COLEC11: variants seen among roughly 807,000 people sequenced by gnomAD.
COLEC11 encodes collectin-11.
COLEC11 carries 20 observed loss-of-function variants against 27.3 expected under a neutral mutation model. The observed-to-expected ratio is 0.73, with a 90% CI of 0.51 to 1.06. The LOEUF is 1.06. Among genes scored for constraint, COLEC11 ranks in the 50% least tolerant of loss-of-function variants. COLEC11 has a pLI of 0.00. For synonymous variants in COLEC11, 163 were observed against 154.7 expected (o/e 1.05, Z -0.40); for missense variants, 310 against 383.0 (o/e 0.81, Z 1.59).
rs767248687 is a variant in COLEC11 at position 3,604,420 on chromosome 2, C to T, written c.80C>T (p.Pro27Leu). Reference sequence around the variant, plus strand: ...CTGCTGCCATCTGGACATCCTCAGCCGGCTGGCGATGACGCCTGCTCTGTG... The same window carrying T: ...CTGCTGCCATCTGGACATCCTCAGCTGGCTGGCGATGACGCCTGCTCTGTG... ...LSLLPSGHPQ[P>L]AGDDACSVQI... Residue 27 changes from proline to leucine, a missense_variant, in exon 2 of 7, where the codon CCG (proline) becomes CTG (leucine). Transcript: ENST00000349077. The T allele has an allele frequency of 1.1e-5, 18 of 1,614,098 alleles. No homozygotes were observed. Among genetic ancestry groups the T allele is most frequent in the South Asian group, 2.2e-5 (2 of 91,092 alleles).
chr2:3,638,418 C>T (rs905415143), intron 4 of COLEC11, among the ~76,000 whole-genome samples: 3 of 152,202 alleles, frequency 2.0e-5, no homozygotes, highest in Non-Finnish European at 4.4e-5. Context: ...CACAGTGTAG[C>T]AATGCGGCTA....
Position 3,633,616 on chromosome 2 carries a change from G to A in COLEC11, c.203-3917G>A, listed in dbSNP as rs553595976. On this transcript the variant is annotated intron_variant, in intron 3 of 6. Coordinates refer to ENST00000349077, the MANE Select transcript of COLEC11 (RefSeq NM_024027.5). Reference sequence around the variant, plus strand: ...GGACCTCCTCGCGAGGGGACAGAGCGGGGACCACAGCTGACCGACGGGGGA... The same window carrying A: ...GGACCTCCTCGCGAGGGGACAGAGCAGGGACCACAGCTGACCGACGGGGGA... Among the ~76,000 whole-genome samples, 3 of 152,280 alleles carry A rather than the reference G, an allele frequency of 2.0e-5. 1 individual carries two copies. Among genetic ancestry groups the A allele is most frequent in the Admixed American group, 2.0e-4 (3 of 15,300 alleles).
chr2:3,621,453 A>G (rs1278000378), intron 3 of COLEC11, among the ~76,000 whole-genome samples: 1 of 152,208 alleles, frequency 6.6e-6, no homozygotes, highest in Admixed American at 6.5e-5. Flanking sequence ...GGCAGTGTAT[A>G]TAGTTGGGTC....
intron 4 of COLEC11, among the ~76,000 whole-genome samples, 188 bp from the exon 5 acceptor site, chr2:3,640,090 A>G (rs1038151380): frequency 6.6e-6 from 1 of 152,198 alleles, no homozygotes; most frequent in Non-Finnish European, 1.5e-5. Context: ...TGACATGTAT[A>G]TGGTTCGTAT....
At chr2:3,629,330 C>T (rs1332910862) in intron 3 of COLEC11, among the ~76,000 whole-genome samples, 3 of 152,192 alleles carry the variant, frequency 2.0e-5, no homozygotes, top group African/African-American at 7.2e-5. Flanking sequence ...GAAACAACAG[C>T]TCACACCAAT....
At chr2:3,633,838 T>C (rs1447129249) in intron 3 of COLEC11, among the ~76,000 whole-genome samples, 1 of 151,990 alleles carries the variant, frequency 6.6e-6, no homozygotes, top group Non-Finnish European at 1.5e-5. Context: ...TCAGGACCGG[T>C]GCGGTGGAGA....
chr2:3,631,098 G>T (rs554361212), intron 3 of COLEC11, among the ~76,000 whole-genome samples: 9 of 152,204 alleles, frequency 5.9e-5, no homozygotes, highest in Admixed American at 3.9e-4. Flanking sequence ...AGACATGGTG[G>T]TGCACGCCTG....
chr2:3,635,347 C>T (rs1423277220), intron 3 of COLEC11, among the ~76,000 whole-genome samples: 3 of 152,142 alleles, frequency 2.0e-5, no homozygotes, highest in Non-Finnish European at 4.4e-5. Context: ...TGACCCCCTT[C>T]ACCCCCAGCC....
At chr2:3,611,388 C>T (rs1368603768) in intron 2 of COLEC11, among the ~76,000 whole-genome samples, 3 of 152,216 alleles carry the variant, frequency 2.0e-5, no homozygotes, top group African/African-American at 7.2e-5. Context: ...ACTGGCCTCT[C>T]CCATGTTATG....
chr2:3,597,270 C>T (rs184907251), intron 1 of COLEC11, among the ~76,000 whole-genome samples: 27 of 143,264 alleles, frequency 1.9e-4, no homozygotes, highest in South Asian at 6.8e-4. Context: ...TGGGCTGCTC[C>T]GGGATCAGCA....
At chr2:3,638,077 A>G (rs72769350) in intron 4 of COLEC11, among the ~76,000 whole-genome samples, 4,841 of 152,306 alleles carry the variant, frequency 0.032, 94 homozygotes, top group African/African-American at 0.058. Flanking sequence ...GGCAGCAACT[A>G]TGGTGCCAGC....
intron 1 of COLEC11, among the ~76,000 whole-genome samples, chr2:3,599,471 C>G (rs1005348568): frequency 2.6e-4 from 39 of 152,234 alleles, no homozygotes; most frequent in Non-Finnish European, 3.5e-4. Flanking sequence ...GGAGCCCATG[C>G]ATGTGATCAC....
chr2:3,614,283 A>G (rs545988293), intron 3 of COLEC11, among the ~76,000 whole-genome samples: 1 of 152,282 alleles, frequency 6.6e-6, no homozygotes, highest in East Asian at 1.9e-4. Flanking sequence ...ACATCATTCT[A>G]TGAGAACATA....
chr2:3,611,129 C>T (rs1294037533), intron 2 of COLEC11, among the ~76,000 whole-genome samples: 4 of 152,206 alleles, frequency 2.6e-5, no homozygotes, highest in Non-Finnish European at 5.9e-5. Context: ...CCTCTCTTTC[C>T]GGAATTGCTG....
chr2:3,644,397 G>A lies in COLEC11; in HGVS notation c.*279G>A. On this transcript the variant is annotated 3_prime_UTR_variant, in exon 7 of 7. Transcript: ENST00000349077. ...TTACCCAGAATTGCTCTTCCATAAA[G>A]CTTGTGCCTTTGTCCAAGCTATACA... The A allele has an allele frequency of 1.6e-6, 1 of 628,386 alleles. No homozygotes were observed. The highest frequency in any genetic ancestry group is 2.9e-6 in the Non-Finnish European group (1 of 340,000). The allele number at this position is 628,386 out of a possible 1,614,324, so 38.9% of individuals were successfully genotyped here. A position where few individuals can be genotyped will look rare whatever the true frequency, so the allele number is the denominator to read the frequency against.
chr2:3,595,143 G>C lies in COLEC11; in HGVS notation c.-52G>C, dbSNP rs1348093620. 5.7e-6 allele frequency: 2 copies of C among 350,966 alleles called. No individual in the cohort carries two copies. The highest frequency in any genetic ancestry group is 4.3e-5 in the African/African-American group (2 of 46,140). The allele number at this position is 350,966 out of a possible 1,614,324, so 21.7% of individuals were successfully genotyped here. ...CTCGCGGGCCAGCGACGGGCAGGAC[G>C]CCCCGTTCGCCTAGCGCGTGCTCAG... On this transcript the variant is annotated 5_prime_UTR_variant, in exon 1 of 7. Coordinates refer to ENST00000349077, the MANE Select transcript of COLEC11 (RefSeq NM_024027.5).
chr2:3,595,339 C>T (rs1381255313), intron 1 of COLEC11, among the ~76,000 whole-genome samples, 171 bp downstream of exon 1: 1 of 152,218 alleles, frequency 6.6e-6, no homozygotes, highest in Non-Finnish European at 1.5e-5. Flanking sequence ...AAATCTGGCA[C>T]CAGAGTTCCA....
chr2:3,611,816 T>C (rs1663215476), intron 2 of COLEC11, among the ~76,000 whole-genome samples: 1 of 152,134 alleles, frequency 6.6e-6, no homozygotes, highest in African/African-American at 2.4e-5. Flanking sequence ...TTGGGGATTT[T>C]GTGGAGGGAT....
rs150459451 is a variant in COLEC11 at position 3,595,868 on chromosome 2, C to T, written c.-27+700C>T. Reference sequence around the variant, plus strand: ...TCAATTTAAAGATGAACGTTTAAAGCCATCTCATGTGCATAGCTGGAATTT... The same window carrying T: ...TCAATTTAAAGATGAACGTTTAAAGTCATCTCATGTGCATAGCTGGAATTT... On this transcript the variant is annotated intron_variant, in intron 1 of 6. Coordinates refer to ENST00000349077, the MANE Select transcript of COLEC11 (RefSeq NM_024027.5). Among the ~76,000 whole-genome samples, 3 of 152,334 alleles carry T rather than the reference C, an allele frequency of 2.0e-5. No homozygotes were observed. The East Asian group carries it at 5.8e-4, about 29-fold the overall frequency.
Sources: allele counts gnomAD v4.1 joint callset (sites outside exome capture counted in the v4.1 genomes callset), GRCh38; gene constraint gnomAD v4.1.1; transcripts MANE v1.5; gene names NCBI Gene and HGNC (gene_info 2026-07-23, HGNC 2026-07-21).